MTHFD1L: variants seen among roughly 807,000 people sequenced by gnomAD.
MTHFD1L encodes methylenetetrahydrofolate dehydrogenase (NADP+ dependent) 1 like.
In MTHFD1L, 81 loss-of-function variants were observed where a neutral mutation model predicts 119.5. The ratio of observed to expected loss-of-function variants is 0.68; its 90% confidence interval spans 0.57 to 0.82. The LOEUF is 0.82. Ranked by LOEUF, MTHFD1L falls within the 40% of genes least tolerant of loss-of-function variation. MTHFD1L has a pLI of 0.00. For synonymous variants in MTHFD1L, 430 were observed against 475.2 expected (o/e 0.90, Z 1.24); for missense variants, 1,125 against 1,253.4 (o/e 0.90, Z 1.55).
Position 151,037,120 on chromosome 6 carries a change from G to A in MTHFD1L, c.2847+3G>A, listed in dbSNP as rs371861328. ...TCATTTACCCTTTGGTCGGAACGGT[G>A]AGTGAGTCACATTTTCCAAAAACCC... On this transcript the variant is annotated splice_donor_region_variant and intron_variant, in intron 26 of 27. Transcript: ENST00000367321. 19 of 1,611,874 alleles carry A rather than the reference G, an allele frequency of 1.2e-5. No homozygotes were observed. The highest frequency in any genetic ancestry group is 1.4e-5 in the Non-Finnish European group (17 of 1,179,752).
At chr6:150,866,290 T>C in intron 1 of MTHFD1L, 1 of 1,471,974 alleles carries the variant, frequency 6.8e-7, no homozygotes. Context: ...GGCGTGGGCA[T>C]CTCCAATGGG....
At chr6:150,906,920 G>A (rs1786012478) in intron 8 of MTHFD1L, among the ~76,000 whole-genome samples, 1 of 151,912 alleles carries the variant, frequency 6.6e-6, no homozygotes, top group Non-Finnish European at 1.5e-5. Flanking sequence ...AAGAGCTGTG[G>A]CCCTAATGGC....
intron 19 of MTHFD1L, among the ~76,000 whole-genome samples, chr6:150,967,194 C>T (rs1311375778): frequency 6.6e-6 from 1 of 152,240 alleles, no homozygotes; most frequent in Admixed American, 6.5e-5. Flanking sequence ...TCGGGTTCCA[C>T]CTCTCCTGAC....
Position 151,066,088 on chromosome 6 carries a change from T to G in MTHFD1L, c.2848-26379T>G, listed in dbSNP as rs539829773. Among the ~76,000 whole-genome samples the G allele has an allele frequency of 9.2e-5, 14 of 152,368 alleles. No individual in the cohort carries two copies. The South Asian group carries it at 2.9e-3, about 32-fold the overall frequency. ...TTTTCTTCATCAAAAGTGATCTCCA[T>G]ACTCACAAACACTGAATAGCTTTGG... is the stretch of plus-strand genomic sequence containing the variant. On this transcript the variant is annotated intron_variant, in intron 26 of 27. Coordinates refer to ENST00000367321, the MANE Select transcript of MTHFD1L (RefSeq NM_015440.5).
At chr6:150,947,153 A>C (rs1375800575) in intron 15 of MTHFD1L, among the ~76,000 whole-genome samples, 1 of 148,306 alleles carries the variant, frequency 6.7e-6, no homozygotes, top group East Asian at 2.2e-4. Context: ...GCTGGAGTGC[A>C]ATGGCACGAT....
intron 8 of MTHFD1L, among the ~76,000 whole-genome samples, chr6:150,911,916 T>G (rs2128869203): frequency 6.6e-6 from 1 of 152,062 alleles, no homozygotes. Flanking sequence ...TGATTCAAAT[T>G]ATCTCCCACT....
At chr6:150,944,718 A>AT in intron 14 of MTHFD1L, 125 bp downstream of exon 14, 1 of 689,812 alleles carries the variant, frequency 1.4e-6, no homozygotes, top group East Asian at 2.8e-5. Context: ...CAATTTTGTG[A>AT]TTTTTACATA....
chr6:150,974,041 G>T (rs569749750), intron 20 of MTHFD1L, among the ~76,000 whole-genome samples: 12 of 152,284 alleles, frequency 7.9e-5, no homozygotes, highest in Admixed American at 3.9e-4. Context: ...TGCCGTAAGT[G>T]GGGGGGTTTT....
In MTHFD1L at chr6:150,983,391, C is replaced by G. The variant is rs369024432; in HGVS notation, c.2125+11333C>G. On this transcript the variant is annotated intron_variant, in intron 20 of 27. Coordinates refer to ENST00000367321, the MANE Select transcript of MTHFD1L (RefSeq NM_015440.5). ...TGTTTGTGTAATGGTGTCTTTTTTCCTTAACTCTTACAGTTTGTGAGACTT... is the reference window on the plus strand; with the variant it reads ...TGTTTGTGTAATGGTGTCTTTTTTCGTTAACTCTTACAGTTTGTGAGACTT... Among the ~76,000 whole-genome samples the G allele has an allele frequency of 1.5e-4, 23 of 152,056 alleles. No homozygotes were observed. In the East Asian group the frequency reaches 2.3e-3, roughly 15 times the overall value.
chr6:150,955,586 G>T (rs1354291634), intron 16 of MTHFD1L, among the ~76,000 whole-genome samples: 1 of 141,994 alleles, frequency 7.0e-6, no homozygotes, highest in Non-Finnish European at 1.5e-5. Context: ...TGCAACCTCC[G>T]CCTCCCAGGT....
chr6:151,009,399 G>C (rs1382555968), intron 20 of MTHFD1L, among the ~76,000 whole-genome samples: 2 of 151,726 alleles, frequency 1.3e-5, no homozygotes, highest in African/African-American at 2.4e-5. Context: ...AATTAGCCAG[G>C]TGTGGTGGCA....
intron 20 of MTHFD1L, among the ~76,000 whole-genome samples, chr6:150,993,268 C>T (rs1308386130): frequency 1.3e-5 from 2 of 151,968 alleles, no homozygotes; most frequent in African/African-American, 4.8e-5. Flanking sequence ...TCATTTGGCA[C>T]ATACACAAAC....
At chr6:150,887,763 G>A (rs775605064) in intron 6 of MTHFD1L, 82 bp from the exon 7 acceptor site, 25 of 1,429,548 alleles carry the variant, frequency 1.7e-5, no homozygotes, top group Non-Finnish European at 2.2e-5. Context: ...AGCCTAAAAG[G>A]GTCTTTTTTT....
intron 1 of MTHFD1L, among the ~76,000 whole-genome samples, chr6:150,871,044 C>G (rs1286394460): frequency 1.5e-5 from 2 of 137,360 alleles, no homozygotes; most frequent in Admixed American, 1.5e-4. Flanking sequence ...ATATATATAC[C>G]TTATAATATA....
intron 4 of MTHFD1L, among the ~76,000 whole-genome samples, chr6:150,879,752 C>T (rs1329694374): frequency 6.6e-6 from 1 of 151,400 alleles, no homozygotes; most frequent in African/African-American, 2.4e-5. Context: ...TGCTCAGCCT[C>T]CCAAGTAACT....
chr6:151,010,405 T>C (rs769937278), intron 21 of MTHFD1L, among the ~76,000 whole-genome samples: 16 of 152,228 alleles, frequency 1.1e-4, no homozygotes, highest in Non-Finnish European at 1.9e-4. Context: ...TTTGTACAGA[T>C]AGTTTTTCGG....
intron 27 of MTHFD1L, among the ~76,000 whole-genome samples, chr6:151,095,019 C>T (rs1199979064): frequency 6.6e-6 from 1 of 152,164 alleles, no homozygotes; most frequent in Non-Finnish European, 1.5e-5. Context: ...AATGAAATTA[C>T]ATTAAAACAA....
At chr6:151,090,896 C>CGCATCATT (rs1562651230) in intron 26 of MTHFD1L, among the ~76,000 whole-genome samples, 1 of 66,316 alleles carries the variant, frequency 1.5e-5, no homozygotes, top group Non-Finnish European at 3.2e-5. Flanking sequence ...GCAGCATTGC[C>CGCATCATT]CCATGCGACT....
chr6:150,916,371 G>A (rs1013101502), intron 8 of MTHFD1L, among the ~76,000 whole-genome samples: 2 of 128,218 alleles, frequency 1.6e-5, no homozygotes, highest in African/African-American at 3.0e-5. Flanking sequence ...GTGTGATCTC[G>A]GCTCACCGCA....
Sources: allele counts gnomAD v4.1 joint callset (sites outside exome capture counted in the v4.1 genomes callset), GRCh38; gene constraint gnomAD v4.1.1; transcripts MANE v1.5; gene names NCBI Gene and HGNC (gene_info 2026-07-23, HGNC 2026-07-21).